The following APBB1IP variants were observed in gnomAD, a reference collection of about 807,000 sequenced individuals.
The protein encoded by APBB1IP is amyloid beta A4 precursor protein-binding family B member 1-interacting protein.
A neutral mutation model predicts 64.9 loss-of-function variants in APBB1IP; 27 were observed. That is an observed-to-expected ratio of 0.42 (90% CI 0.31 to 0.57). The LOEUF (loss-of-function observed/expected upper bound fraction) is 0.57, where lower values mean the gene tolerates loss of function less well. APBB1IP is among the 20% of genes least tolerant of loss of function. The pLI, the probability that APBB1IP is intolerant of heterozygous loss-of-function variation, is 0.20. For synonymous variants in APBB1IP, 392 were observed against 331.0 expected (o/e 1.18, Z -2.00); for missense variants, 812 against 845.5 (o/e 0.96, Z 0.49).
At position 26,501,782 on chromosome 10, in the gene APBB1IP, G is replaced by A. The variant is rs558551140; in HGVS notation, c.453+671G>A. On this transcript the variant is annotated intron_variant, in intron 5 of 14. Coordinates refer to ENST00000376236, the MANE Select transcript of APBB1IP (RefSeq NM_019043.4). Reference sequence around the variant, plus strand: ...AGTAAGCCAAATATTTTAGAGGAGAGTCCAGTTCAATTTCCTGTGGCTTCT... The same window carrying A: ...AGTAAGCCAAATATTTTAGAGGAGAATCCAGTTCAATTTCCTGTGGCTTCT... 2.0e-5 allele frequency: 3 copies of A among 152,390 alleles called. 1 individual carries two copies. In the South Asian group the frequency reaches 6.2e-4, roughly 32 times the overall value. The allele number at this position is 152,390 out of a possible 1,614,324, so 9.4% of individuals were successfully genotyped here.
chr10:26,556,172 C>T (rs1020206598), intron 11 of APBB1IP, among the ~76,000 whole-genome samples: 17 of 152,238 alleles, frequency 1.1e-4, no homozygotes, highest in African/African-American at 3.4e-4. Context: ...AAATCAATTG[C>T]GAAAGAGCCT....
intron 8 of APBB1IP, among the ~76,000 whole-genome samples, chr10:26,524,256 C>T (rs750048107): frequency 1.3e-5 from 2 of 152,116 alleles, no homozygotes; most frequent in Non-Finnish European, 2.9e-5. Flanking sequence ...CTGTGGCAAG[C>T]GTCCTGCCCC....
chr10:26,488,164 T>C (rs1835913905), intron 2 of APBB1IP, among the ~76,000 whole-genome samples: 1 of 152,148 alleles, frequency 6.6e-6, no homozygotes, highest in African/African-American at 2.4e-5. Flanking sequence ...TTTAATACCA[T>C]ATTAGTTGTT....
chr10:26,550,877 G>A (rs925779063), intron 11 of APBB1IP, among the ~76,000 whole-genome samples: 3 of 152,110 alleles, frequency 2.0e-5, no homozygotes, highest in Non-Finnish European at 4.4e-5. Context: ...CTTTTTTAGT[G>A]GGCGTATGCA....
chr10:26,493,076 C>G (rs1199814097), intron 3 of APBB1IP, among the ~76,000 whole-genome samples: 1 of 152,104 alleles, frequency 6.6e-6, no homozygotes, highest in Non-Finnish European at 1.5e-5. Context: ...ATTAATATTC[C>G]TTACTGGGGA....
chr10:26,534,598 T>A (rs565485286), intron 9 of APBB1IP, among the ~76,000 whole-genome samples: 30 of 152,268 alleles, frequency 2.0e-4, no homozygotes, highest in Non-Finnish European at 2.8e-4. Flanking sequence ...TCATTAAGGT[T>A]CCGCCCAGGC....
At chr10:26,445,048 A>G (rs895049402) in intron 2 of APBB1IP, among the ~76,000 whole-genome samples, 1 of 151,260 alleles carries the variant, frequency 6.6e-6, no homozygotes, top group Non-Finnish European at 1.5e-5. Context: ...CAGTGAGCCA[A>G]GATCATGCCA....
intron 2 of APBB1IP, among the ~76,000 whole-genome samples, chr10:26,441,792 AG>A (rs1835340741): frequency 6.6e-6 from 1 of 152,216 alleles, no homozygotes; most frequent in South Asian, 2.1e-4. Context: ...TGAATAATTA[AG>A]AATCATAAGA....
intron 2 of APBB1IP, among the ~76,000 whole-genome samples, chr10:26,469,229 A>G (rs966131638): frequency 2.7e-5 from 4 of 147,272 alleles, no homozygotes; most frequent in African/African-American, 1.0e-4. Flanking sequence ...ATCTATTTAT[A>G]TAAGTGTTTT....
At chr10:26,481,273 T>C (rs371489556) in intron 2 of APBB1IP, among the ~76,000 whole-genome samples, 1 of 152,128 alleles carries the variant, frequency 6.6e-6, no homozygotes, top group South Asian at 2.1e-4. Context: ...GGAACATTTT[T>C]GGGTGTTGTT....
chr10:26,445,711 C>T (rs1181880240), intron 2 of APBB1IP, among the ~76,000 whole-genome samples: 1 of 152,186 alleles, frequency 6.6e-6, no homozygotes, highest in Non-Finnish European at 1.5e-5. Context: ...ATTTCAAAAT[C>T]CAAACCAGAT....
intron 5 of APBB1IP, among the ~76,000 whole-genome samples, chr10:26,502,257 C>A (rs561372593): frequency 8.1e-4 from 124 of 152,306 alleles, no homozygotes; most frequent in African/African-American, 2.9e-3. Context: ...AATCAAAGAG[C>A]TTTGGGCTCA....
chr10:26,542,210 G>A (rs1254749864), intron 11 of APBB1IP, among the ~76,000 whole-genome samples: 1 of 152,148 alleles, frequency 6.6e-6, no homozygotes, highest in Non-Finnish European at 1.5e-5. Context: ...AGGGTGGAGT[G>A]CAGTGGCTCA....
chr10:26,527,170 G>T (rs185410219), intron 8 of APBB1IP, among the ~76,000 whole-genome samples: 17 of 152,312 alleles, frequency 1.1e-4, no homozygotes, highest in African/African-American at 3.8e-4. Flanking sequence ...GTTAAAGGAA[G>T]GTCTACCCAT....
chr10:26,515,038 ATTTT>A (rs10668002), intron 8 of APBB1IP, among the ~76,000 whole-genome samples: 2 of 133,038 alleles, frequency 1.5e-5, no homozygotes, highest in African/African-American at 5.7e-5. Flanking sequence ...CCCCCGGCTA[ATTTT>A]TTTTTTTTTT....
Position 26,560,206 on chromosome 10 carries a change from G to A in APBB1IP, c.1254+3G>A, listed in dbSNP as rs373770015. 1.9e-5 allele frequency: 30 copies of A among 1,613,444 alleles called. No homozygotes were observed. Among genetic ancestry groups the A allele is most frequent in the Non-Finnish European group, 2.5e-5 (29 of 1,179,520 alleles). ...TCATGGGAATACGGATAGCCAAGGT[G>A]AGAGAGCGTTCGGACTTCACCCTGT... On this transcript the variant is annotated splice_donor_region_variant and intron_variant, in intron 12 of 14. Transcript: ENST00000376236.
At chr10:26,449,884 G>A (rs1207672109) in intron 2 of APBB1IP, among the ~76,000 whole-genome samples, 1 of 152,182 alleles carries the variant, frequency 6.6e-6, no homozygotes, top group East Asian at 1.9e-4. Flanking sequence ...GCATTCTCCT[G>A]TGGTCTCAGC....
intron 8 of APBB1IP, among the ~76,000 whole-genome samples, chr10:26,518,944 T>A (rs1212004520): frequency 6.6e-6 from 1 of 152,192 alleles, no homozygotes; most frequent in Non-Finnish European, 1.5e-5. Context: ...CGGTTTTGTG[T>A]ACAGCAAGCT....
rs1588620502 is a variant in APBB1IP, at chr10:26,560,617, G to A, written c.1255-113G>A. On this transcript the variant is annotated intron_variant, in intron 12 of 14. Transcript: ENST00000376236. ...TCCAAAAAACCAACTCAGACAAGTGGTGAACAGAGTAGCCGTGGAGTATTT... is the reference window on the plus strand; with the variant it reads ...TCCAAAAAACCAACTCAGACAAGTGATGAACAGAGTAGCCGTGGAGTATTT... 1.9e-5 allele frequency: 13 copies of A among 677,564 alleles called. 4 individuals carry two copies. In the Admixed American group the frequency reaches 3.4e-4, roughly 18 times the overall value. The allele number at this position is 677,564 out of a possible 1,614,324, so 42.0% of individuals were successfully genotyped here. A position where few individuals can be genotyped will look rare whatever the true frequency, so the allele number is the denominator to read the frequency against.
Sources: allele counts gnomAD v4.1 joint callset (sites outside exome capture counted in the v4.1 genomes callset), GRCh38; gene constraint gnomAD v4.1.1; transcripts MANE v1.5; gene names NCBI Gene and HGNC (gene_info 2026-07-23, HGNC 2026-07-21).